The following CXADR variants were observed in gnomAD, a reference collection of about 807,000 sequenced individuals.
CXADR encodes the protein coxsackievirus and adenovirus receptor.
A neutral mutation model predicts 40.3 loss-of-function variants in CXADR; 20 were observed. The ratio of observed to expected loss-of-function variants is 0.50; its 90% CI spans 0.35 to 0.72. The LOEUF is 0.72. Ranked by LOEUF, CXADR falls within the 30% of genes least tolerant of loss-of-function variation. CXADR has a pLI of 0.01. For missense variants in CXADR, 332 were observed against 449.1 expected (o/e 0.74, Z 2.36); for synonymous variants, 150 against 161.3 (o/e 0.93, Z 0.53).
intron 6 of CXADR, among the ~76,000 whole-genome samples, chr21:17,565,196 G>A (rs935603865): frequency 4.6e-5 from 7 of 152,152 alleles, no homozygotes; most frequent in Admixed American, 2.0e-4. Flanking sequence ...TTCATTAAGT[G>A]TGAAGTTATA....
At chr21:17,541,551 C>G (rs1036137103) in intron 1 of CXADR, among the ~76,000 whole-genome samples, 5 of 151,188 alleles carry the variant, frequency 3.3e-5, no homozygotes, top group African/African-American at 1.2e-4. Context: ...GAGCAAGACT[C>G]TGTCTCAAAA....
Position 17,567,638 on chromosome 21 carries a change from T to C in CXADR, c.*1946T>C, listed in dbSNP as rs193167208. 6.1e-3 allele frequency: 6,045 copies of C among 983,400 alleles called. 32 individuals carry two copies. Among genetic ancestry groups the C allele is most frequent in the Middle Eastern group, 9.9e-3 (19 of 1,910 alleles). The allele number at this position is 983,400 out of a possible 1,614,324, so 60.9% of individuals were successfully genotyped here. ...AAATTTCAATATTCCCAACACTCTA[T>C]GTTTCTGATTTTATAACAGTAGCCA... On this transcript the variant is annotated 3_prime_UTR_variant, in exon 7 of 7. Coordinates refer to ENST00000284878, the MANE Select transcript of CXADR (RefSeq NM_001338.5).
chr21:17,529,617 G>A (rs938793210), intron 1 of CXADR, among the ~76,000 whole-genome samples: 11 of 152,154 alleles, frequency 7.2e-5, no homozygotes, highest in South Asian at 4.1e-4. Context: ...CACTGCGCCC[G>A]GCCGCCTTTT....
Position 17,565,440 on chromosome 21 carries a change from A to G in CXADR, c.846A>G (p.Pro282=), listed in dbSNP as rs437470. The G allele has an allele frequency of 0.14, 218,760 of 1,613,248 alleles. 16,884 individuals carry two copies. Among genetic ancestry groups the G allele is most frequent in the African/African-American group, 0.33 (24,406 of 74,872 alleles). ...TTTTGCTTTGCAGGGAAGATGTGCC[A>G]CCTCCAAAGAGCCGTACGTCCACTG... ...EVHHDIREDV[P]PPKSRTSTAR... The change falls in exon 7 of 7, where the codon CCA becomes CCG. Residue 282 remains proline (P), a synonymous_variant. Transcript: ENST00000284878.
chr21:17,574,998 CACATACATACATACATACATACAT>C (rs1555875111), downstream of CXADR, among the ~76,000 whole-genome samples: 1 of 38,052 alleles, frequency 2.6e-5, no homozygotes, highest in African/African-American at 6.0e-5. Context: ...TATATACACA[CACATACATACATACATACATACAT>C]ACATACATAC....
At chr21:17,544,474 G>T (rs1354622586) in intron 1 of CXADR, among the ~76,000 whole-genome samples, 1 of 152,208 alleles carries the variant, frequency 6.6e-6, no homozygotes, top group Non-Finnish European at 1.5e-5. Context: ...CCTGTGGGTT[G>T]CTAGTTAGAC....
At chr21:17,513,219 G>T in intron 1 of CXADR, 47 bp downstream of exon 1, 2 of 1,343,152 alleles carry the variant, frequency 1.5e-6, no homozygotes, top group Non-Finnish European at 1.9e-6. Flanking sequence ...GCCCGGGGGC[G>T]CTCGCTGCCC....
the CXADR span, among the ~76,000 whole-genome samples, chr21:17,619,587 GCT>G: frequency 8.1e-6 from 1 of 123,188 alleles, no homozygotes; most frequent in African/African-American, 3.6e-5. Context: ...TCAGAGCAAG[GCT>G]CTGTTTCAAA....
At chr21:17,634,392 G>A in the CXADR span, among the ~76,000 whole-genome samples, 4 of 152,172 alleles carry the variant, frequency 2.6e-5, no homozygotes, top group Admixed American at 6.5e-5. Flanking sequence ...CTGACTCTCT[G>A]CACTAAAATA....
chr21:17,519,249 C>A (rs767818530), intron 1 of CXADR, among the ~76,000 whole-genome samples: 4 of 152,224 alleles, frequency 2.6e-5, no homozygotes, highest in Non-Finnish European at 5.9e-5. Flanking sequence ...TTCATTGTTG[C>A]AGTCCCTGCA....
chr21:17,530,348 T>G, intron 1 of CXADR: 1 of 445,882 alleles, frequency 2.2e-6, no homozygotes, highest in Non-Finnish European at 4.5e-6. Flanking sequence ...ATTTTACAGT[T>G]TGTGTTTTTT....
chr21:17,621,668 A>C, the CXADR span, among the ~76,000 whole-genome samples: 2 of 152,126 alleles, frequency 1.3e-5, no homozygotes, highest in African/African-American at 4.8e-5. Context: ...TCTTCATCCC[A>C]CTTGCCTTCA....
chr21:17,582,184 G>A (rs1480642662), intron 7 of CXADR, among the ~76,000 whole-genome samples: 1 of 151,984 alleles, frequency 6.6e-6, no homozygotes, highest in African/African-American at 2.4e-5. Context: ...GGTAATTTTT[G>A]TATTTTTAGC....
chr21:17,575,361 T>A (rs538807959), intron 7 of CXADR, among the ~76,000 whole-genome samples: 1 of 151,628 alleles, frequency 6.6e-6, no homozygotes, highest in South Asian at 2.1e-4. Context: ...TTTTTGATTT[T>A]TGGTAGAGAG....
the CXADR span, chr21:17,613,086 T>A: frequency 6.6e-6 from 1 of 151,332 alleles, no homozygotes; most frequent in Non-Finnish European, 1.5e-5. Flanking sequence ...CGACACACCC[T>A]CGCCCTACCC....
At position 17,569,806 on chromosome 21, in the gene CXADR, T is replaced by C; in HGVS notation, c.*4114T>C. On this transcript the variant is annotated 3_prime_UTR_variant, in exon 7 of 7. Coordinates refer to ENST00000284878, the MANE Select transcript of CXADR (RefSeq NM_001338.5). ...CAGAACTTTGTGTTTTCTGCTAACT[T>C]ATTTAATGACACAAGTTTTAAGAGA... 1.0e-6 allele frequency: 1 copy of C among 985,432 alleles called. No homozygotes were observed. The highest frequency in any genetic ancestry group is 1.2e-6 in the Non-Finnish European group (1 of 829,900). The allele number at this position is 985,432 out of a possible 1,614,324, so 61.0% of individuals were successfully genotyped here.
At position 17,536,149 on chromosome 21, in the gene CXADR, A is replaced by T. The variant is rs77033847; in HGVS notation, c.44-10878A>T. On this transcript the variant is annotated intron_variant, in intron 1 of 6. Transcript: ENST00000284878. ...CTTTATTTCATCCTAGAGATAGCTG[A>T]AAGATAACAGCTCTTTTCGTCTATA... 1.5e-3 allele frequency among the ~76,000 whole-genome samples: 231 copies of T among 152,348 alleles called. 4 individuals are homozygous for T. In the South Asian group the frequency reaches 0.032, roughly 21 times the overall value.
the CXADR span, among the ~76,000 whole-genome samples, chr21:17,625,181 G>A: frequency 6.6e-6 from 1 of 151,710 alleles, no homozygotes; most frequent in African/African-American, 2.4e-5. Context: ...TCATGTTTGG[G>A]CAAAAACATG....
At chr21:17,521,613 G>A (rs1225424432) in intron 1 of CXADR, among the ~76,000 whole-genome samples, 5 of 152,130 alleles carry the variant, frequency 3.3e-5, no homozygotes, top group African/African-American at 1.2e-4. Flanking sequence ...GTGAGCCACC[G>A]CACCTGGCCA....
Sources: allele counts gnomAD v4.1 joint callset (sites outside exome capture counted in the v4.1 genomes callset), GRCh38; gene constraint gnomAD v4.1.1; transcripts MANE v1.5; gene names NCBI Gene and HGNC (gene_info 2026-07-23, HGNC 2026-07-21).